Variants in BEAN1 observed in about 807,000 individuals in gnomAD.
BEAN1 encodes the protein protein BEAN1.
Under a neutral mutation model 17.7 loss-of-function variants are expected in BEAN1, and 17 were observed. The observed-to-expected ratio is 0.96, with a 90% CI of 0.66 to 1.44. BEAN1 has a LOEUF of 1.44. Ranked by LOEUF, BEAN1 falls within the 40% of genes most tolerant of loss-of-function variation. The probability of loss-of-function intolerance (pLI) is 0.00; values close to 1 mark genes in which losing one functional copy is unlikely to be tolerated. For missense variants in BEAN1, 359 were observed against 374.1 expected, an observed-to-expected ratio of 0.96 and a Z score of 0.33; for synonymous variants, 142 against 151.8, an observed-to-expected ratio of 0.94 and a Z score of 0.47.
intron 1 of BEAN1, chr16:66,428,052 T>C (rs1961649258): frequency 6.6e-6 from 1 of 152,236 alleles, no homozygotes; most frequent in Non-Finnish European, 1.5e-5. Context: ...TTCTCCCACT[T>C]TGGGACAGAC....
At chr16:66,466,012 C>T (rs1340631195) in intron 2 of BEAN1, among the ~76,000 whole-genome samples, 1 of 152,210 alleles carries the variant, frequency 6.6e-6, no homozygotes, top group Non-Finnish European at 1.5e-5. Flanking sequence ...TGGAGTGTCA[C>T]CATGTTGGCC....
chr16:66,428,842 A>G (rs1226420725), intron 1 of BEAN1, among the ~76,000 whole-genome samples: 2 of 152,122 alleles, frequency 1.3e-5, no homozygotes, highest in African/African-American at 4.8e-5. Context: ...AGCTGTTGAC[A>G]TTTAATTGCA....
At chr16:66,443,700 C>T (rs1962341128) in intron 2 of BEAN1, among the ~76,000 whole-genome samples, 1 of 152,014 alleles carries the variant, frequency 6.6e-6, no homozygotes, top group South Asian at 2.1e-4. Flanking sequence ...AATACAAACT[C>T]CTCTTGCTCT....
At chr16:66,450,826 G>A (rs188584550) in intron 2 of BEAN1, among the ~76,000 whole-genome samples, 1 of 152,342 alleles carries the variant, frequency 6.6e-6, no homozygotes, top group Admixed American at 6.5e-5. Context: ...TAGGTGAGCA[G>A]AGGTATCAAA....
intron 2 of BEAN1, among the ~76,000 whole-genome samples, chr16:66,452,921 C>T (rs76293992): frequency 6.6e-6 from 1 of 152,098 alleles, no homozygotes; most frequent in Non-Finnish European, 1.5e-5. Context: ...CTCCCTCCCC[C>T]CAACTAAAAA....
At chr16:66,494,719 A>C (rs1597062383), downstream of BEAN1, among the ~76,000 whole-genome samples, 1 of 152,116 alleles carries the variant, frequency 6.6e-6, no homozygotes, top group African/African-American at 2.4e-5. Flanking sequence ...ATTTGTTGGG[A>C]GCTCAGGGTC....
chr16:66,486,890 G>A (rs77994906), downstream of BEAN1, among the ~76,000 whole-genome samples: 297 of 152,338 alleles, frequency 1.9e-3, 1 homozygote, highest in African/African-American at 6.6e-3. Flanking sequence ...GCGGAGAGTG[G>A]TTGCTAAGCA....
intron 2 of BEAN1, among the ~76,000 whole-genome samples, chr16:66,463,623 G>C (rs1395298560): frequency 6.6e-6 from 1 of 152,112 alleles, no homozygotes; most frequent in Non-Finnish European, 1.5e-5. Context: ...GTCCTTTGCT[G>C]CACTAGTTTT....
intron 2 of BEAN1, among the ~76,000 whole-genome samples, chr16:66,459,040 A>T (rs900413775): frequency 5.9e-5 from 9 of 152,248 alleles, no homozygotes; most frequent in Non-Finnish European, 8.8e-5. Flanking sequence ...GGAGAGGCTA[A>T]GGAACTCCCT....
chr16:66,480,838 G>T lies in BEAN1; in HGVS notation c.693G>T (p.Leu231=), dbSNP rs1963961221. The change falls in exon 5 of 5, where the codon CTG becomes CTT. Residue 231 remains leucine (L), a synonymous_variant. Coordinates refer to ENST00000536005, the MANE Select transcript of BEAN1 (RefSeq NM_001178020.3). ...GAGPPSGLLP[L]PGPDPGPRGS... Reference sequence around the variant, plus strand: ...GCCCCCCATCAGGCCTGCTGCCACTGCCGGGCCCAGACCCAGGGCCAAGGG... The same window carrying T: ...GCCCCCCATCAGGCCTGCTGCCACTTCCGGGCCCAGACCCAGGGCCAAGGG... 1 of 1,527,458 alleles carries T rather than the reference G, an allele frequency of 6.5e-7. No individual in the cohort carries two copies. The highest frequency in any genetic ancestry group is 8.8e-7 in the Non-Finnish European group (1 of 1,132,986). The allele number at this position is 1,527,458 out of a possible 1,614,324, so 94.6% of individuals were successfully genotyped here.
rs183601532 is a variant in BEAN1 at position 66,492,691 on chromosome 16, T to C, written c.148-271T>C. On this transcript the variant is annotated intron_variant, in intron 4 of 4. Coordinates refer to the BEAN1 transcript ENST00000561796. Reference sequence around the variant, plus strand: ...CCTGACCTCAGGTGATCCGCCCTCCTTGGCCTCCCAAAGTGCTGGGATTAC... The same window carrying C: ...CCTGACCTCAGGTGATCCGCCCTCCCTGGCCTCCCAAAGTGCTGGGATTAC... Among the ~76,000 whole-genome samples, 5 of 152,292 alleles carry C rather than the reference T, an allele frequency of 3.3e-5. No individual in the cohort carries two copies. The East Asian group carries it at 9.7e-4, about 30-fold the overall frequency.
chr16:66,480,743 C>G lies in BEAN1; in HGVS notation c.598C>G (p.Pro200Ala). The change falls in exon 5 of 5, where the codon CCG becomes GCG. Residue 200 changes from proline to alanine, a missense_variant. Transcript: ENST00000536005. ...PGRHQQEQRTPAQGGLHTVSM... is the reference protein window; with the variant it reads ...PGRHQQEQRTAAQGGLHTVSM... ...CCGACACCAGCAGGAGCAGAGGACC[C>G]CGGCCCAAGGTGGCCTTCACACGGT... 6.4e-7 allele frequency: 1 copy of G among 1,551,620 alleles called. No homozygotes were observed. The highest frequency in any genetic ancestry group is 8.7e-7 in the Non-Finnish European group (1 of 1,146,954).
chr16:66,455,845 C>T (rs1024943851), intron 2 of BEAN1, among the ~76,000 whole-genome samples: 1 of 152,206 alleles, frequency 6.6e-6, no homozygotes, highest in Non-Finnish European at 1.5e-5. Flanking sequence ...CGCCACCATG[C>T]CCAACTAATT....
chr16:66,465,046 C>G (rs1333964065), intron 2 of BEAN1, among the ~76,000 whole-genome samples: 2 of 152,178 alleles, frequency 1.3e-5, no homozygotes, highest in Admixed American at 1.3e-4. Context: ...CATAAATGCC[C>G]TTTATCAGGT....
At chr16:66,453,637 C>T (rs1597005144) in intron 2 of BEAN1, among the ~76,000 whole-genome samples, 1 of 152,168 alleles carries the variant, frequency 6.6e-6, no homozygotes, top group African/African-American at 2.4e-5. Context: ...GTTGGGATTA[C>T]AGGCATGAGC....
intron 2 of BEAN1, among the ~76,000 whole-genome samples, chr16:66,460,788 T>C (rs1054763109): frequency 4.6e-5 from 7 of 152,204 alleles, no homozygotes; most frequent in Admixed American, 2.6e-4. Flanking sequence ...GAATAGCATA[T>C]TGGCTAAGAG....
At chr16:66,484,980 A>C (rs1434206173), downstream of BEAN1, 1 of 454,136 alleles carries the variant, frequency 2.2e-6, no homozygotes, top group Admixed American at 2.3e-5. This position sits in a 1 kb window ranked among gnomAD's most constrained non-coding sequence, Gnocchi z 4.2. Context: ...CCATCGTGAT[A>C]GTCCACAAGA....
chr16:66,449,120 G>A (rs1051127616), intron 2 of BEAN1, among the ~76,000 whole-genome samples: 9 of 152,102 alleles, frequency 5.9e-5, no homozygotes, highest in African/African-American at 1.9e-4. Context: ...TTTTGTCACC[G>A]TAAATTAGTT....
exon 5 of BEAN1, chr16:66,493,482 A>G: frequency 1.7e-6 from 1 of 601,906 alleles, no homozygotes; most frequent in Non-Finnish European, 3.0e-6. Flanking sequence ...GACAGTGAGG[A>G]GGTCCTGCCT....
Sources: gnomAD v4.1 joint callset for allele counts (sites outside exome capture counted in the v4.1 genomes callset) on GRCh38, gnomAD v4.1.1 for gene constraint, Gnocchi (gnomAD v3.1) non-coding constraint, MANE v1.5 for transcripts, NCBI Gene and HGNC (gene_info 2026-07-23, HGNC 2026-07-21) for gene names.